Variants in SLC25A11 observed in about 807,000 individuals in gnomAD.
SLC25A11 encodes the protein solute carrier family 25 member 11, also known as mitochondrial 2-oxoglutarate/malate carrier protein.
SLC25A11 carries 11 observed loss-of-function variants against 32.7 expected under a neutral mutation model. The observed-to-expected ratio is 0.34, with a 90% CI of 0.21 to 0.56. SLC25A11 has a LOEUF of 0.56. Ranked by LOEUF, SLC25A11 falls within the 20% of genes least tolerant of loss-of-function variation. The pLI is 0.90. For missense variants in SLC25A11, 295 were observed against 426.3 expected (o/e 0.69, Z 2.71); for synonymous variants, 163 against 168.3 (o/e 0.97, Z 0.24).
Position 4,938,951 on chromosome 17 carries a change from C to CT in SLC25A11, c.272dup (p.Ala92GlyfsTer16). On this transcript the variant is annotated frameshift_variant, in exon 3 of 8. Coordinates refer to ENST00000225665, the MANE Select transcript of SLC25A11 (RefSeq NM_003562.5). LOFTEE classifies it high-confidence loss of function. This position sits in a 1 kb window ranked among gnomAD's most constrained non-coding sequence, Gnocchi z 7.6. ...CAAGGCGGGTAGTGGTGTAGGTGGCCTGACGCAGCAGGCCAGCCGACAGCC... is the reference window on the plus strand; with the variant it reads ...CAAGGCGGGTAGTGGTGTAGGTGGCCTTGACGCAGCAGGCCAGCCGACAGCC... 6.2e-7 allele frequency: 1 copy of CT among 1,614,116 alleles called. No homozygotes were observed. Among genetic ancestry groups the CT allele is most frequent in the Non-Finnish European group, 8.5e-7 (1 of 1,180,004 alleles).
Position 4,939,871 on chromosome 17 carries a change from C to T in SLC25A11, c.40G>A (p.Gly14Arg), listed in dbSNP as rs749595696. The change falls in exon 1 of 8, where the codon GGG becomes AGG. Residue 14 changes from glycine (G) to arginine (R), a missense_variant. Around this residue, in one of 3 missense-constraint regions of SLC25A11, gnomAD observed 104 missense variants for 121.5 expected, o/e 0.86. Transcript: ENST00000225665. The surrounding 1 kb of genome is among the most constrained non-coding windows in gnomAD (Gnocchi z 4.1). Reference protein sequence around the residue: ...TASAGAGGIDGKPRTSPKSVK... With the variant: ...TASAGAGGIDRKPRTSPKSVK... ...GACTTAGGGGAGGTACGGGGCTTCC[C>T]GTCTATCCCGCCGGCCCCGGCACTC... The T allele has an allele frequency of 1.9e-6, 3 of 1,611,796 alleles. No individual in the cohort carries two copies. Among genetic ancestry groups the T allele is most frequent in the African/African-American group, 1.3e-5 (1 of 74,802 alleles).
In SLC25A11 at chr17:4,938,951, C is replaced by T. The variant is rs1970524970; in HGVS notation, c.273G>A (p.Gln91=). The T allele has an allele frequency of 1.2e-6, 2 of 1,613,998 alleles. No homozygotes were observed. The highest frequency in any genetic ancestry group is 1.7e-6 in the Non-Finnish European group (2 of 1,180,012). The change falls in exon 3 of 8, where the codon CAG becomes CAA. Residue 91 remains glutamine, a synonymous_variant. Coordinates refer to ENST00000225665, the MANE Select transcript of SLC25A11 (RefSeq NM_003562.5). The surrounding 1 kb of genome is among the most constrained non-coding windows in gnomAD (Gnocchi z 7.6). ...YTGLSAGLLR[Q]ATYTTTRLGI... is the part of the protein sequence containing the mutation. ...CAAGGCGGGTAGTGGTGTAGGTGGC[C>T]TGACGCAGCAGGCCAGCCGACAGCC...
Position 4,939,166 on chromosome 17 carries a change from G to T in SLC25A11, c.142C>A (p.Arg48=). 2 of 1,613,062 alleles carry T rather than the reference G, an allele frequency of 1.2e-6. No individual in the cohort carries two copies. The highest frequency in any genetic ancestry group is 1.7e-6 in the Non-Finnish European group (2 of 1,179,152). The part of the protein sequence containing the change: ...FVQPLDLVKN[R]MQLSGEGAKT... Reference sequence around the variant, plus strand: ...GCCCCTTCCCCGCTCAACTGCATCCGGTTCTTCACCAGGTCCAGGGGCTGG... The same window carrying T: ...GCCCCTTCCCCGCTCAACTGCATCCTGTTCTTCACCAGGTCCAGGGGCTGG... Residue 48 remains arginine, a synonymous_variant, in exon 2 of 8, where the codon CGG becomes AGG. Transcript: ENST00000225665. This position sits in a 1 kb window ranked among gnomAD's most constrained non-coding sequence, Gnocchi z 4.1.
rs758910860 is a variant in SLC25A11 at position 4,937,719 on chromosome 17, C to A, written c.*22G>T. On this transcript the variant is annotated 3_prime_UTR_variant, in exon 8 of 8. Coordinates refer to ENST00000225665, the MANE Select transcript of SLC25A11 (RefSeq NM_003562.5). ...GCGCAGTGGCTATAGGCGCAGCAGGCGAGTGGGAGCCCCCGGCCGCTTCAG... is the reference window on the plus strand; with the variant it reads ...GCGCAGTGGCTATAGGCGCAGCAGGAGAGTGGGAGCCCCCGGCCGCTTCAG... 2 of 1,589,246 alleles carry A rather than the reference C, an allele frequency of 1.3e-6. No individual in the cohort carries two copies. Among genetic ancestry groups the A allele is most frequent in the Non-Finnish European group, 8.6e-7 (1 of 1,167,918 alleles).
chr17:4,939,657 T>TG lies in SLC25A11; in HGVS notation c.95+158dup. 1 of 696,842 alleles carries TG rather than the reference T, an allele frequency of 1.4e-6. No individual in the cohort carries two copies. The highest frequency in any genetic ancestry group is 1.6e-5 in the South Asian group (1 of 61,300). 43.2% of individuals were successfully genotyped at this position (696,842 alleles called of 1,614,324 possible). A position where few individuals can be genotyped will look rare whatever the true frequency, so the allele number is the denominator to read the frequency against. ...CATGCAGTCCATAAGGGTCCTGCAA[T>TG]GGGGCCCTAGCAGCCCATCGGGGAA... On this transcript the variant is annotated intron_variant, in intron 1 of 7. Transcript: ENST00000225665. The surrounding 1 kb of genome is among the most constrained non-coding windows in gnomAD (Gnocchi z 4.1).
rs900254113 is a variant in SLC25A11 at position 4,938,956 on chromosome 17, G to A, written c.268C>T (p.Arg90Cys). ...CGGGTAGTGGTGTAGGTGGCCTGAC[G>A]CAGCAGGCCAGCCGACAGCCTGAGG... The part of the protein sequence containing the change: ...IYTGLSAGLL[R>C]QATYTTTRLG... The change falls in exon 3 of 8, where the codon CGT becomes TGT. Residue 90 changes from arginine (R) to cysteine (C), a missense_variant. Arg to Cys is a radical substitution (Grantham distance 180). Transcript: ENST00000225665. The surrounding 1 kb of genome is among the most constrained non-coding windows in gnomAD (Gnocchi z 7.6). 1.2e-6 allele frequency: 2 copies of A among 1,614,110 alleles called. No individual in the cohort carries two copies. The highest frequency in any genetic ancestry group is 1.1e-5 in the South Asian group (1 of 91,082).
Position 4,939,302 on chromosome 17 carries a change from A to G in SLC25A11, c.96-90T>C. On this transcript the variant is annotated intron_variant, in intron 1 of 7. Coordinates refer to ENST00000225665, the MANE Select transcript of SLC25A11 (RefSeq NM_003562.5). This position sits in a 1 kb window ranked among gnomAD's most constrained non-coding sequence, Gnocchi z 4.1. ...CTGGCAGCAAGAGGTTACAAAGGTC[A>G]GGGCCTGCCATGCGATTCAAGAATC... 1 of 1,382,704 alleles carries G rather than the reference A, an allele frequency of 7.2e-7. No homozygotes were observed. Among genetic ancestry groups the G allele is most frequent in the Non-Finnish European group, 9.8e-7 (1 of 1,024,000 alleles). The allele number at this position is 1,382,704 out of a possible 1,614,324, so 85.7% of individuals were successfully genotyped here.
At position 4,939,857 on chromosome 17, in the gene SLC25A11, G is replaced by C; in HGVS notation, c.54C>G (p.Thr18=). ...GAGGIDGKPR[T]SPKSVKFLFG... ...ACAGGAACTTGACGGACTTAGGGGA[G>C]GTACGGGGCTTCCCGTCTATCCCGC... Residue 18 remains threonine (T), a synonymous_variant, in exon 1 of 8, where the codon ACC becomes ACG. Coordinates refer to ENST00000225665, the MANE Select transcript of SLC25A11 (RefSeq NM_003562.5). This position sits in a 1 kb window ranked among gnomAD's most constrained non-coding sequence, Gnocchi z 4.1. 1 of 1,612,682 alleles carries C rather than the reference G, an allele frequency of 6.2e-7. No homozygotes were observed. The highest frequency in any genetic ancestry group is 2.2e-5 in the East Asian group (1 of 44,758).
rs1970504736 is a variant in SLC25A11, at chr17:4,938,667, G to C, written c.456-65C>G. 1.3e-6 allele frequency: 2 copies of C among 1,590,086 alleles called. No homozygotes were observed. The highest frequency in any genetic ancestry group is 3.3e-5 in the Admixed American group (2 of 59,926). On this transcript the variant is annotated intron_variant, in intron 3 of 7. Transcript: ENST00000225665. The surrounding 1 kb of genome is among the most constrained non-coding windows in gnomAD (Gnocchi z 7.6). ...CACAGGTGCAAAGAAAGGAAGGCCAGAACAGGTAAACACTCTGCTCCAGAT... is the reference window on the plus strand; with the variant it reads ...CACAGGTGCAAAGAAAGGAAGGCCACAACAGGTAAACACTCTGCTCCAGAT...
rs1320847281 is a variant in SLC25A11, at chr17:4,939,240, G to A, written c.96-28C>T. 6 of 1,589,496 alleles carry A rather than the reference G, an allele frequency of 3.8e-6. No homozygotes were observed. The highest frequency in any genetic ancestry group is 3.4e-6 in the Non-Finnish European group (4 of 1,162,670). On this transcript the variant is annotated intron_variant, in intron 1 of 7. Transcript: ENST00000225665. The surrounding 1 kb of genome is among the most constrained non-coding windows in gnomAD (Gnocchi z 4.1). ...GGGGGAAGACAGAGGTGGAGTGAAGGGCCAGGCATTCCAGATCTACCAGTG... is the reference window on the plus strand; with the variant it reads ...GGGGGAAGACAGAGGTGGAGTGAAGAGCCAGGCATTCCAGATCTACCAGTG...
At position 4,937,631 on chromosome 17, in the gene SLC25A11, A is replaced by T; in HGVS notation, c.*110T>A. 2 of 1,345,184 alleles carry T rather than the reference A, an allele frequency of 1.5e-6. No homozygotes were observed. Among genetic ancestry groups the T allele is most frequent in the Non-Finnish European group, 2.0e-6 (2 of 993,830 alleles). The allele number at this position is 1,345,184 out of a possible 1,614,324, so 83.3% of individuals were successfully genotyped here. ...ACCAAGTCCTTTACCGCAGAGGAAGAAACCACACTGTGGAAGGGAAATAAA... is the reference window on the plus strand; with the variant it reads ...ACCAAGTCCTTTACCGCAGAGGAAGTAACCACACTGTGGAAGGGAAATAAA... On this transcript the variant is annotated 3_prime_UTR_variant, in exon 8 of 8. Transcript: ENST00000225665.
rs144541813 is a variant in SLC25A11 at position 4,938,270 on chromosome 17, G to A, written c.638-17C>T. The A allele has an allele frequency of 3.5e-5, 57 of 1,612,188 alleles. No individual in the cohort carries two copies. Among genetic ancestry groups the A allele is most frequent in the South Asian group, 1.1e-4 (10 of 91,022 alleles). ...AGAAGTAGCCTGGGGGAGGTGAGGC[G>A]GGGGTGGCAGTCAGCTCAGAGGTGG... is the stretch of plus-strand genomic sequence containing the variant. On this transcript the variant is annotated splice_polypyrimidine_tract_variant and intron_variant, in intron 5 of 7. Transcript: ENST00000225665. The surrounding 1 kb of genome is among the most constrained non-coding windows in gnomAD (Gnocchi z 7.6).
chr17:4,938,803 C>T lies in SLC25A11; in HGVS notation c.421G>A (p.Glu141Lys), dbSNP rs1567651815. ...ATGAFVGTPA[E>K]VALIRMTADG... ...GCAGTCATGCGGATAAGAGCCACTT[C>T]GGCTGGTGTTCCCACAAAGGCACCA... Residue 141 changes from glutamate to lysine, a missense_variant, in exon 3 of 8, where the codon GAA (glutamate) becomes AAA (lysine). Glu to Lys is a moderately conservative substitution (Grantham distance 56). Coordinates refer to ENST00000225665, the MANE Select transcript of SLC25A11 (RefSeq NM_003562.5). This position sits in a 1 kb window ranked among gnomAD's most constrained non-coding sequence, Gnocchi z 7.6. 1.9e-6 allele frequency: 3 copies of T among 1,613,320 alleles called. No homozygotes were observed. Among genetic ancestry groups the T allele is most frequent in the Non-Finnish European group, 2.5e-6 (3 of 1,179,436 alleles).
chr17:4,938,912 C>A lies in SLC25A11; in HGVS notation c.312G>T (p.Val104=), dbSNP rs146100332. ...YTTTRLGIYT[V]LFERLTGADG... Reference sequence around the variant, plus strand: ...CAGCCCCAGTCAGGCGCTCAAACAGCACGGTATAGATGCCAAGGCGGGTAG... The same window carrying A: ...CAGCCCCAGTCAGGCGCTCAAACAGAACGGTATAGATGCCAAGGCGGGTAG... The change falls in exon 3 of 8, where the codon GTG becomes GTT. Residue 104 remains valine, a synonymous_variant. Transcript: ENST00000225665. The surrounding 1 kb of genome is among the most constrained non-coding windows in gnomAD (Gnocchi z 7.6). 6.2e-7 allele frequency: 1 copy of A among 1,614,066 alleles called. No individual in the cohort carries two copies. The highest frequency in any genetic ancestry group is 8.5e-7 in the Non-Finnish European group (1 of 1,180,046).
rs959926350 is a variant in SLC25A11, at chr17:4,937,286, C to T, written c.*455G>A. On this transcript the variant is annotated 3_prime_UTR_variant, in exon 8 of 8. Transcript: ENST00000225665. ...CCAGTCTCCTCCCCTCTCCTAGCCA[C>T]CCCCCAGACTCTCCAGATTTGGGGC... 1 of 154,432 alleles carries T rather than the reference C, an allele frequency of 6.5e-6. No individual in the cohort carries two copies. The allele number at this position is 154,432 out of a possible 1,614,324, so 9.6% of individuals were successfully genotyped here.
In SLC25A11 at chr17:4,939,833, C is replaced by G. The variant is rs754727505; in HGVS notation, c.78G>C (p.Leu26=). The change falls in exon 1 of 8, where the codon CTG becomes CTC. Residue 26 remains leucine (L), a synonymous_variant. Transcript: ENST00000225665. The surrounding 1 kb of genome is among the most constrained non-coding windows in gnomAD (Gnocchi z 4.1). Reference sequence around the variant, plus strand: ...GAGCTTACCCGGCCAGGCCCCCAAACAGGAACTTGACGGACTTAGGGGAGG... The same window carrying G: ...GAGCTTACCCGGCCAGGCCCCCAAAGAGGAACTTGACGGACTTAGGGGAGG... ...PRTSPKSVKF[L]FGGLAGMGAT... 2 of 1,612,806 alleles carry G rather than the reference C, an allele frequency of 1.2e-6. No individual in the cohort carries two copies. The highest frequency in any genetic ancestry group is 1.7e-5 in the Admixed American group (1 of 59,974).
Position 4,937,832 on chromosome 17 carries a change from T to C in SLC25A11, c.854A>G (p.Tyr285Cys). Residue 285 changes from tyrosine to cysteine, a missense_variant, in exon 8 of 8, where the codon TAC becomes TGC. By Grantham distance (194) the Tyr-to-Cys change is radical. Coordinates refer to ENST00000225665, the MANE Select transcript of SLC25A11 (RefSeq NM_003562.5). The stretch of plus-strand genomic sequence containing the variant: ...GGTGTGGGGGCCCAGGCGGGCATAG[T>C]ACGGCGTGAAGCCCTTCCACAGGCT... The part of the protein sequence containing the change: ...FFSLWKGFTP[Y>C]YARLGPHTVL... The C allele has an allele frequency of 6.2e-7, 1 of 1,614,154 alleles. No individual in the cohort carries two copies. Among genetic ancestry groups the C allele is most frequent in the Non-Finnish European group, 8.5e-7 (1 of 1,180,020 alleles).
Position 4,938,058 on chromosome 17 carries a change from T to C in SLC25A11, c.754A>G (p.Met252Val). 7 of 1,613,990 alleles carry C rather than the reference T, an allele frequency of 4.3e-6. No homozygotes were observed. Among genetic ancestry groups the C allele is most frequent in the Middle Eastern group, 1.6e-4 (1 of 6,062 alleles). ...TTGTATTCCGGCTTCCCATCAATCATCCGCATGTTCTGGATTCTGCAGGAG... is the reference window on the plus strand; with the variant it reads ...TTGTATTCCGGCTTCCCATCAATCACCCGCATGTTCTGGATTCTGCAGGAG... Reference protein sequence around the residue: ...IAKTRIQNMRMIDGKPEYKNG... With the variant: ...IAKTRIQNMRVIDGKPEYKNG... The change falls in exon 7 of 8, where the codon ATG becomes GTG. Residue 252 changes from methionine (M) to valine (V), a missense_variant. Physicochemically the swap from Met to Val is conservative, Grantham distance 21. This residue lies in a region of SLC25A11 where 142 missense variants were observed against 197.8 expected (regional missense o/e 0.72). Transcript: ENST00000225665. This position sits in a 1 kb window ranked among gnomAD's most constrained non-coding sequence, Gnocchi z 7.6.
chr17:4,938,217 G>C lies in SLC25A11; in HGVS notation c.674C>G (p.Ala225Gly). Residue 225 changes from alanine (A) to glycine (G), a missense_variant, in exon 6 of 8, where the codon GCC (alanine) becomes GGC (glycine). Physicochemically the swap from Ala to Gly is moderately conservative, Grantham distance 60 (BLOSUM62 0). Coordinates refer to ENST00000225665, the MANE Select transcript of SLC25A11 (RefSeq NM_003562.5). The surrounding 1 kb of genome is among the most constrained non-coding windows in gnomAD (Gnocchi z 7.6). ...FSDNILCHFCASMISGLVTTA... is the reference protein window; with the variant it reads ...FSDNILCHFCGSMISGLVTTA... The stretch of plus-strand genomic sequence containing the variant: ...GGTGACAAGACCGCTGATCATGCTG[G>C]CACAGAAGTGGCACAAGATGTTGTC... 6.2e-7 allele frequency: 1 copy of C among 1,614,000 alleles called. No homozygotes were observed. The highest frequency in any genetic ancestry group is 8.5e-7 in the Non-Finnish European group (1 of 1,179,934).
Sources: allele counts gnomAD v4.1 joint callset, GRCh38; gene constraint gnomAD v4.1.1; regional missense constraint gnomAD v4.1.1; non-coding constraint Gnocchi (gnomAD v3.1); transcripts MANE v1.5; gene names NCBI Gene and HGNC (gene_info 2026-07-23, HGNC 2026-07-21).